Variants in AHNAK2 observed in about 807,000 individuals in gnomAD.
AHNAK2 encodes AHNAK nucleoprotein 2.
A neutral mutation model predicts 30.7 loss-of-function variants in AHNAK2; 18 were observed. The observed-to-expected ratio is 0.59, with a 90% CI of 0.41 to 0.87. The LOEUF is 0.87. Among genes scored for constraint, AHNAK2 ranks in the 40% least tolerant of loss-of-function variants. AHNAK2 has a pLI of 0.00. For missense variants in AHNAK2, 8,604 were observed against 7,373.0 expected, an observed-to-expected ratio of 1.17 and a Z score of -6.11; for synonymous variants, 3,590 against 3,073.8, an observed-to-expected ratio of 1.17 and a Z score of -5.56.
chr14:104,953,872 G>A lies in AHNAK2; in HGVS notation c.1579C>T (p.Leu527=), dbSNP rs776948471. 14 of 1,613,920 alleles carry A rather than the reference G, an allele frequency of 8.7e-6. No individual in the cohort carries two copies. In the East Asian group the frequency reaches 2.2e-4, roughly 26 times the overall value. Residue 527 remains leucine (L), a synonymous_variant, in exon 7 of 7, where the codon CTG becomes TTG. Transcript: ENST00000333244. Reference sequence around the variant, plus strand: ...GCTCCTTCCACCTCCTCACCCTTCAGGCCAGTACCCGCTTTTGAGGACGCA... The same window carrying A: ...GCTCCTTCCACCTCCTCACCCTTCAAGCCAGTACCCGCTTTTGAGGACGCA... ...QDASSKAGTG[L]KGEEVEGAGW... is the part of the protein sequence containing the mutation.
chr14:104,972,261 A>G (rs1899488168), intron 1 of AHNAK2, among the ~76,000 whole-genome samples: 1 of 152,080 alleles, frequency 6.6e-6, no homozygotes, highest in Admixed American at 6.5e-5. Context: ...TCACAAAGAT[A>G]GAAAACGACT....
At position 104,946,443 on chromosome 14, in the gene AHNAK2, A is replaced by G. The variant is rs369952794; in HGVS notation, c.9008T>C (p.Val3003Ala). 2 of 1,612,098 alleles carry G rather than the reference A, an allele frequency of 1.2e-6. No homozygotes were observed. Among genetic ancestry groups the G allele is most frequent in the Non-Finnish European group, 1.7e-6 (2 of 1,179,396 alleles). The change falls in exon 7 of 7, where the codon GTG becomes GCG. Residue 3003 changes from valine to alanine, a missense_variant. By Grantham distance (64) the Val-to-Ala change is moderately conservative (BLOSUM62 0). Transcript: ENST00000333244. ...TTCGGCCTCCACCTTCGGCGCAGAC[A>G]CATCCACCGAGACCTCAATGGACTT... is the stretch of plus-strand genomic sequence containing the variant. The part of the protein sequence containing the change: ...PGKSIEVSVD[V>A]SAPKVEAEVS...
In AHNAK2 at chr14:104,947,869, C is replaced by T. The variant is rs199975505; in HGVS notation, c.7582G>A (p.Ala2528Thr). ...GGGGGCTGAATGCTGAGGTCAGTGGCCTTGAGGTCCCCCTGCATGGAGGAG... is the reference window on the plus strand; with the variant it reads ...GGGGGCTGAATGCTGAGGTCAGTGGTCTTGAGGTCCCCCTGCATGGAGGAG... Reference protein sequence around the residue: ...SLSSMQGDLKATDLSIQPPSA... With the variant: ...SLSSMQGDLKTTDLSIQPPSA... Residue 2528 changes from alanine to threonine, a missense_variant, in exon 7 of 7, where the codon GCC becomes ACC. Physicochemically the swap from Ala to Thr is moderately conservative, Grantham distance 58. Transcript: ENST00000333244. 8.0e-4 allele frequency: 1,287 copies of T among 1,609,980 alleles called. 19 individuals carry two copies. The South Asian group carries it at 8.3e-3, about 10-fold the overall frequency.
At position 104,954,633 on chromosome 14, in the gene AHNAK2, G is replaced by A. The variant is rs374331573; in HGVS notation, c.818C>T (p.Pro273Leu). 1.9e-5 allele frequency: 31 copies of A among 1,612,422 alleles called. No homozygotes were observed. Among genetic ancestry groups the A allele is most frequent in the Admixed American group, 6.7e-5 (4 of 59,912 alleles). ...KFQSIKSKRG[P>L]GPQRSHSSSE... is the part of the protein sequence containing the mutation. ...CGAGCTGTGTGACCTCTGGGGTCCCGGCCCCCGCTTGCTCTTTATGGATTG... is the reference window on the plus strand; with the variant it reads ...CGAGCTGTGTGACCTCTGGGGTCCCAGCCCCCGCTTGCTCTTTATGGATTG... Residue 273 changes from proline (P) to leucine (L), a missense_variant, in exon 7 of 7, where the codon CCG (proline) becomes CTG (leucine). Transcript: ENST00000333244. This position sits in a 1 kb window ranked among gnomAD's most constrained non-coding sequence, Gnocchi z 4.3.
In AHNAK2 at chr14:104,941,681, A is replaced by G; in HGVS notation, c.13770T>C (p.Ser4590=). 1.2e-6 allele frequency: 2 copies of G among 1,613,610 alleles called. No individual in the cohort carries two copies. Among genetic ancestry groups the G allele is most frequent in the South Asian group, 2.2e-5 (2 of 91,070 alleles). ...AEVMAPDVEV[S]LPSVETDVQA... ...GGACATCCGTCTCCACGCTGGGCAG[A>G]GACACCTCCACATCGGGGGCCATCA... The change falls in exon 7 of 7, where the codon TCT becomes TCC. Residue 4590 remains serine (S), a synonymous_variant. Transcript: ENST00000333244.
chr14:104,943,374 T>C lies in AHNAK2; in HGVS notation c.12077A>G (p.Glu4026Gly). 6.2e-7 allele frequency: 1 copy of C among 1,612,146 alleles called. No individual in the cohort carries two copies. Among genetic ancestry groups the C allele is most frequent in the African/African-American group, 1.3e-5 (1 of 74,548 alleles). The change falls in exon 7 of 7, where the codon GAG becomes GGG. Residue 4026 changes from glutamate to glycine, a missense_variant. Transcript: ENST00000333244. ...CACGTCCACTTGGCCAGCCTGGACC[T>C]CCAGGTCAGCGGAAGGGGGCTGAAC... The part of the protein sequence containing the change: ...LSVQPPSADL[E>G]VQAGQVDVKL...
rs369460661 is a variant in AHNAK2 at position 104,957,379 on chromosome 14, G to C, written c.213+31C>G. 18 of 1,544,444 alleles carry C rather than the reference G, an allele frequency of 1.2e-5. No homozygotes were observed. In the African/African-American group the frequency reaches 2.1e-4, roughly 18 times the overall value. ...CAGGGCGATGCAGGAGGAGACCTGG[G>C]TGCCTGTGGGGCTCTGCCCAGCAGG... On this transcript the variant is annotated intron_variant, in intron 3 of 6. Coordinates refer to ENST00000333244, the MANE Select transcript of AHNAK2 (RefSeq NM_138420.4).
intron 1 of AHNAK2, among the ~76,000 whole-genome samples, chr14:104,969,305 T>C (rs1899404385): frequency 6.6e-6 from 1 of 152,216 alleles, no homozygotes; most frequent in Non-Finnish European, 1.5e-5. Context: ...CGTAGCTCCC[T>C]GGTGCCATCC....
intron 3 of AHNAK2, 58 bp downstream of exon 3, chr14:104,957,352 C>T (rs769601692): frequency 1.6e-5 from 24 of 1,480,894 alleles, no homozygotes; most frequent in Non-Finnish European, 2.0e-5. Flanking sequence ...GAGTTGCCCA[C>T]ACAGGGCGAT....
chr14:104,949,374 G>C lies in AHNAK2; in HGVS notation c.6077C>G (p.Ser2026Cys). 6.3e-7 allele frequency: 1 copy of C among 1,578,748 alleles called. No homozygotes were observed. The highest frequency in any genetic ancestry group is 8.6e-7 in the Non-Finnish European group (1 of 1,156,948). Reference sequence around the variant, plus strand: ...AGTGGTCTTCAGGTCCCCCTGCATGGAGGGGAGACTCACGTCGGCCTCCAC... The same window carrying C: ...AGTGGTCTTCAGGTCCCCCTGCATGCAGGGGAGACTCACGTCGGCCTCCAC... ...PKVEADVSLP[S>C]MQGDLKTTDL... Residue 2026 changes from serine (S) to cysteine (C), a missense_variant, in exon 7 of 7, where the codon TCC becomes TGC. Transcript: ENST00000333244.
In AHNAK2 at chr14:104,952,598, T is replaced by C. The variant is rs1311357299; in HGVS notation, c.2853A>G (p.Glu951=). The change falls in exon 7 of 7, where the codon GAA becomes GAG. Residue 951 remains glutamate, a synonymous_variant. Coordinates refer to ENST00000333244, the MANE Select transcript of AHNAK2 (RefSeq NM_138420.4). ...ACACCTCGCCATCGGGGGCTGTCAC[T>C]TCCGCCTTGGGGCCTTTCAGGTCCA... is the stretch of plus-strand genomic sequence containing the variant. ...PKLDLKGPKA[E]VTAPDGEVSL... is the part of the protein sequence containing the mutation. 1.9e-6 allele frequency: 3 copies of C among 1,612,764 alleles called. No individual in the cohort carries two copies. The highest frequency in any genetic ancestry group is 2.5e-6 in the Non-Finnish European group (3 of 1,179,666).
chr14:104,949,956 G>C lies in AHNAK2; in HGVS notation c.5495C>G (p.Ser1832Trp). Residue 1832 changes from serine to tryptophan, a missense_variant, in exon 7 of 7, where the codon TCG becomes TGG. Ser to Trp is a radical substitution (Grantham distance 177, BLOSUM62 -3). Transcript: ENST00000333244. ...CTTGCCTGGGGCAGACACCCCGAAC[G>C]ACGGCATCTTGAACTTGGGCATTTT... ...KFKMPKFKMP[S>W]FGVSAPGKSI... 6.3e-7 allele frequency: 1 copy of C among 1,589,076 alleles called. No homozygotes were observed. Among genetic ancestry groups the C allele is most frequent in the Non-Finnish European group, 8.6e-7 (1 of 1,163,704 alleles).
At position 104,950,933 on chromosome 14, in the gene AHNAK2, A is replaced by T. The variant is rs2819437; in HGVS notation, c.4518T>A (p.Ser1506=). Residue 1506 remains serine, a synonymous_variant, in exon 7 of 7, where the codon TCT becomes TCA. Coordinates refer to ENST00000333244, the MANE Select transcript of AHNAK2 (RefSeq NM_138420.4). ...PKFKMPSFGV[S]APGKSIEASV... is the part of the protein sequence containing the mutation. The stretch of plus-strand genomic sequence containing the variant: ...AGGCCTCGATGGACTTGCCTGGGGC[A>T]GACACCCCGAACGACGGCATCTTGA... 888 of 1,541,548 alleles carry T rather than the reference A, an allele frequency of 5.8e-4. 73 individuals are homozygous for T. Among genetic ancestry groups the T allele is most frequent in the African/African-American group, 4.2e-3 (290 of 68,640 alleles).
chr14:104,942,442 T>C lies in AHNAK2; in HGVS notation c.13009A>G (p.Met4337Val), dbSNP rs1442592865. ...TGAGTGGTCTTCAGGTCCCCCTGCA[T>C]GGAGGGGAGGCTCACGTCAGCCTCC... Reference protein sequence around the residue: ...KVEADVSLPSMQGDLKTTHLS... With the variant: ...KVEADVSLPSVQGDLKTTHLS... Residue 4337 changes from methionine (M) to valine (V), a missense_variant, in exon 7 of 7, where the codon ATG becomes GTG. By Grantham distance (21) the Met-to-Val change is conservative. Transcript: ENST00000333244. The C allele has an allele frequency of 1.2e-6, 2 of 1,612,652 alleles. No homozygotes were observed. Among genetic ancestry groups the C allele is most frequent in the South Asian group, 1.1e-5 (1 of 91,008 alleles).
Position 104,939,878 on chromosome 14 carries a change from T to G in AHNAK2, c.15573A>C (p.Lys5191Asn). 6.2e-7 allele frequency: 1 copy of G among 1,613,630 alleles called. No homozygotes were observed. The highest frequency in any genetic ancestry group is 8.5e-7 in the Non-Finnish European group (1 of 1,179,816). ...GGCTGGGCATGCGGAACTTGGGCAT[T>G]TTAAACCAGCTTTCCTGCGAGTACT... ...MTKYSQESWF[K>N]MPKFRMPSLR... The change falls in exon 7 of 7, where the codon AAA becomes AAC. Residue 5191 changes from lysine to asparagine, a missense_variant. Lys to Asn is a moderately conservative substitution (Grantham distance 94, BLOSUM62 0). Transcript: ENST00000333244.
intron 1 of AHNAK2, among the ~76,000 whole-genome samples, chr14:104,970,211 C>T (rs894113758): frequency 6.6e-6 from 1 of 152,162 alleles, no homozygotes; most frequent in Non-Finnish European, 1.5e-5. Flanking sequence ...CCGCCGGCAC[C>T]CCAGGGACCA....
rs753061947 is a variant in AHNAK2 at position 104,966,508 on chromosome 14, C to A, written c.56-8836G>T. On this transcript the variant is annotated intron_variant, in intron 1 of 6. Transcript: ENST00000333244. This position sits in a 1 kb window ranked among gnomAD's most constrained non-coding sequence, Gnocchi z 4.3. ...CCTTTGCATTCAGACACTGCCCCAC[C>A]ACCTGACAGGGCCCCTGCTGCTCCC... Among the ~76,000 whole-genome samples the A allele has an allele frequency of 2.0e-5, 3 of 152,184 alleles. No homozygotes were observed. Among genetic ancestry groups the A allele is most frequent in the Non-Finnish European group, 4.4e-5 (3 of 68,026 alleles).
Position 104,942,827 on chromosome 14 carries a change from C to A in AHNAK2, c.12624G>T (p.Lys4208Asn), listed in dbSNP as rs368743436. The part of the protein sequence containing the change: ...DVKLPEGPLP[K>N]GAGLKGHLPK... ...GGAGGTGCCCTTTGAGGCCGGCTCC[C>A]TTGGGCAGGGGGCCCTCCGGGAGTT... Residue 4208 changes from lysine to asparagine, a missense_variant, in exon 7 of 7, where the codon AAG becomes AAT. By Grantham distance (94) the Lys-to-Asn change is moderately conservative. Coordinates refer to ENST00000333244, the MANE Select transcript of AHNAK2 (RefSeq NM_138420.4). The A allele has an allele frequency of 1.9e-5, 31 of 1,612,830 alleles. No individual in the cohort carries two copies. In the African/African-American group the frequency reaches 3.9e-4, roughly 20 times the overall value.
In AHNAK2 at chr14:104,942,944, G is replaced by A. The variant is rs1898063055; in HGVS notation, c.12507C>T (p.Leu4169=). 6 of 1,613,464 alleles carry A rather than the reference G, an allele frequency of 3.7e-6. No individual in the cohort carries two copies. Among genetic ancestry groups the A allele is most frequent in the Non-Finnish European group, 5.1e-6 (6 of 1,179,656 alleles). Residue 4169 remains leucine (L), a synonymous_variant, in exon 7 of 7, where the codon CTC becomes CTT. Coordinates refer to ENST00000333244, the MANE Select transcript of AHNAK2 (RefSeq NM_138420.4). The stretch of plus-strand genomic sequence containing the variant: ...TCTTGAGGTCCCCCTGCATGGAGGG[G>A]AGGCTCACGTCGGCTTTCGCCTTCA... ...SELKAKADVS[L]PSMQGDLKTT...
Sources: allele counts gnomAD v4.1 joint callset (sites outside exome capture counted in the v4.1 genomes callset), GRCh38; gene constraint gnomAD v4.1.1; non-coding constraint Gnocchi (gnomAD v3.1); transcripts MANE v1.5; gene names NCBI Gene and HGNC (gene_info 2026-07-23, HGNC 2026-07-21).